The following ING5 variants were observed in gnomAD, a reference collection of about 807,000 sequenced individuals.
The protein encoded by ING5 is inhibitor of growth family member 5.
A neutral mutation model predicts 37.4 loss-of-function variants in ING5; 17 were observed. The ratio of observed to expected loss-of-function variants is 0.45; its 90% CI spans 0.31 to 0.68. ING5 has a LOEUF of 0.68. Among genes scored for constraint, ING5 ranks in the 30% least tolerant of loss-of-function variants. The pLI, the probability that ING5 is intolerant of heterozygous loss-of-function variation, is 0.05. For synonymous variants in ING5, 123 were observed against 116.6 expected, an observed-to-expected ratio of 1.06 and a Z score of -0.36; for missense variants, 233 against 311.9, an observed-to-expected ratio of 0.75 and a Z score of 1.91.
chr2:241,705,394 CTTT>C (rs774566608), intron 2 of ING5, among the ~76,000 whole-genome samples: 5 of 117,266 alleles, frequency 4.3e-5, no homozygotes, highest in Non-Finnish European at 5.1e-5. Context: ...CTGTTTTTTT[CTTT>C]TTTTTTTTTT....
At position 241,719,367 on chromosome 2, in the gene ING5, C is replaced by G. The variant is rs999356231; in HGVS notation, c.483-3572C>G. ...AGGCAGGCGGACGCCGCCCCCAACC[C>G]CCCAACACCCCCCACTCTGGCTGCA... On this transcript the variant is annotated intron_variant, in intron 5 of 7. Transcript: ENST00000313552. The G allele has an allele frequency of 3.0e-5, 20 of 668,358 alleles. No homozygotes were observed. In the East Asian group the frequency reaches 3.3e-4, roughly 11 times the overall value. 41.4% of individuals were successfully genotyped at this position (668,358 alleles called of 1,614,324 possible).
chr2:241,709,150 T>A (rs2070022848), intron 2 of ING5, 66 bp from the exon 3 acceptor site: 1 of 1,512,802 alleles, frequency 6.6e-7, no homozygotes, highest in East Asian at 2.3e-5. Context: ...CTTTAGTTGT[T>A]GCCAGTCTGG....
intron 2 of ING5, among the ~76,000 whole-genome samples, chr2:241,707,007 T>A (rs1401817303): frequency 6.7e-6 from 1 of 149,352 alleles, no homozygotes; most frequent in Non-Finnish European, 1.5e-5. Flanking sequence ...TTGCCCAGGC[T>A]GGCGTGCGAT....
At chr2:241,698,361 C>G (rs1006845751), upstream of ING5, among the ~76,000 whole-genome samples, 4 of 151,148 alleles carry the variant, frequency 2.6e-5, no homozygotes, top group Admixed American at 6.6e-5. Flanking sequence ...GGGAGAATGG[C>G]GTGGATCCGG....
intron 2 of ING5, among the ~76,000 whole-genome samples, chr2:241,706,721 AG>A (rs1461840232): frequency 3.3e-5 from 5 of 151,742 alleles, no homozygotes; most frequent in Non-Finnish European, 7.4e-5. Context: ...CTCAGCTGAT[AG>A]TTTGGTTGGG....
At chr2:241,711,523 C>G in intron 4 of ING5, 35 bp downstream of exon 4, 1 of 1,401,042 alleles carries the variant, frequency 7.1e-7, no homozygotes. Flanking sequence ...TATTTTATTA[C>G]TGTTAACTAT....
chr2:241,718,347 T>C (rs2070333533), intron 5 of ING5, among the ~76,000 whole-genome samples: 1 of 132,932 alleles, frequency 7.5e-6, no homozygotes, highest in African/African-American at 2.8e-5. Flanking sequence ...CTCACTTCCT[T>C]CCTCCTTCCC....
chr2:241,709,159 G>C (rs1387708763), intron 2 of ING5, 57 bp from the exon 3 acceptor site: 2 of 1,538,900 alleles, frequency 1.3e-6, no homozygotes, highest in East Asian at 4.6e-5. Context: ...TTGCCAGTCT[G>C]GTGAGCACAT....
intron 5 of ING5, among the ~76,000 whole-genome samples, chr2:241,714,473 TCA>T (rs1036542111): frequency 5.9e-5 from 9 of 152,224 alleles, no homozygotes; most frequent in Middle Eastern, 3.2e-3. Context: ...ATGTAAGTTG[TCA>T]GATTTTTTTG....
intron 5 of ING5, chr2:241,719,678 C>T (rs2070377215): frequency 6.5e-7 from 1 of 1,528,804 alleles, no homozygotes; most frequent in Non-Finnish European, 8.7e-7. Context: ...CTCCAGCTCC[C>T]TGTTGGGGTC....
chr2:241,725,075 C>T lies in ING5; in HGVS notation c.*44C>T, dbSNP rs764709135. ...ATCCGAGGAGCAAGTTAATCTGTCCCTTCATTCGTGTCGCAATATTTCCCT... is the reference window on the plus strand; with the variant it reads ...ATCCGAGGAGCAAGTTAATCTGTCCTTTCATTCGTGTCGCAATATTTCCCT... On this transcript the variant is annotated 3_prime_UTR_variant, in exon 8 of 8. Coordinates refer to ENST00000313552, the MANE Select transcript of ING5 (RefSeq NM_032329.6). 3.1e-6 allele frequency: 5 copies of T among 1,594,652 alleles called. No homozygotes were observed. Among genetic ancestry groups the T allele is most frequent in the African/African-American group, 1.3e-5 (1 of 74,700 alleles).
chr2:241,705,771 T>C (rs2069892751), intron 2 of ING5, among the ~76,000 whole-genome samples: 1 of 152,130 alleles, frequency 6.6e-6, no homozygotes. Context: ...CTCGTCAGTT[T>C]TAGACGTTGT....
At chr2:241,705,394 C>CTTTTTTTTT (rs774566608) in intron 2 of ING5, among the ~76,000 whole-genome samples, 8 of 117,272 alleles carry the variant, frequency 6.8e-5, no homozygotes, top group East Asian at 3.2e-4. Flanking sequence ...CTGTTTTTTT[C>CTTTTTTTTT]TTTTTTTTTT....
In ING5 at chr2:241,728,392, C is replaced by T. The variant is rs868599100; in HGVS notation, c.*3361C>T. The T allele has an allele frequency of 9.2e-5, 14 of 152,858 alleles. No individual in the cohort carries two copies. The highest frequency in any genetic ancestry group is 3.4e-4 in the African/African-American group (14 of 41,592). The allele number at this position is 152,858 out of a possible 1,614,324, so 9.5% of individuals were successfully genotyped here. On this transcript the variant is annotated 3_prime_UTR_variant, in exon 8 of 8. Coordinates refer to ENST00000313552, the MANE Select transcript of ING5 (RefSeq NM_032329.6). The stretch of plus-strand genomic sequence containing the variant: ...GGATTGAGGGTGTGTGGGCTGGAAC[C>T]AGTGGGTCACTGTGGCAGCTTCATC...
intron 2 of ING5, among the ~76,000 whole-genome samples, chr2:241,690,899 T>C (rs1159891066): frequency 6.6e-6 from 1 of 151,276 alleles, no homozygotes; most frequent in African/African-American, 2.4e-5. Flanking sequence ...ATCCACCTCC[T>C]AGGTTCAGAC....
intron 2 of ING5, among the ~76,000 whole-genome samples, chr2:241,705,534 A>G (rs969128259): frequency 2.0e-5 from 3 of 149,816 alleles, no homozygotes; most frequent in Non-Finnish European, 4.4e-5. Flanking sequence ...AGTAGCTGGG[A>G]CTACAGTCAC....
intron 7 of ING5, chr2:241,724,702 G>A (rs948811570): frequency 2.5e-5 from 12 of 481,954 alleles, no homozygotes; most frequent in African/African-American, 1.4e-4. Context: ...CCCTGCCATC[G>A]GCCGGGGAAG....
intron 5 of ING5, chr2:241,719,382 C>T (rs1393821361): frequency 7.2e-6 from 5 of 692,864 alleles, no homozygotes; most frequent in Non-Finnish European, 1.0e-5. Context: ...ACACCCCCCA[C>T]TCTGGCTGCA....
At chr2:241,704,518 A>G in intron 1 of ING5, 135 bp from the exon 2 acceptor site, 1 of 692,626 alleles carries the variant, frequency 1.4e-6, no homozygotes, top group Non-Finnish European at 2.6e-6. Flanking sequence ...CAGTGAGCCA[A>G]GATCGCACCA....
Sources: gnomAD v4.1 joint callset for allele counts (sites outside exome capture counted in the v4.1 genomes callset) on GRCh38, gnomAD v4.1.1 for gene constraint, MANE v1.5 for transcripts, NCBI Gene and HGNC (gene_info 2026-07-23, HGNC 2026-07-21) for gene names.